Variants in ARSG observed in about 807,000 individuals in gnomAD.
ARSG encodes ASG.
Under a neutral mutation model 50.5 loss-of-function variants are expected in ARSG, and 37 were observed. That is an observed-to-expected ratio of 0.73 (90% CI 0.56 to 0.96). ARSG has a LOEUF of 0.96. Ranked by LOEUF, ARSG falls within the 50% of genes least tolerant of loss-of-function variation. ARSG has a pLI of 0.00. For synonymous variants in ARSG, 225 were observed against 254.6 expected (o/e 0.88, Z 1.11); for missense variants, 629 against 675.3 (o/e 0.93, Z 0.76).
intron 2 of ARSG, among the ~76,000 whole-genome samples, chr17:68,328,887 T>A (rs2145975555): frequency 6.6e-6 from 1 of 152,290 alleles, no homozygotes; most frequent in South Asian, 2.1e-4. Context: ...GGACCTGAGC[T>A]GCTGATGGTG....
At chr17:68,353,880 T>G (rs1478451094) in intron 5 of ARSG, among the ~76,000 whole-genome samples, 1 of 151,990 alleles carries the variant, frequency 6.6e-6, no homozygotes, top group African/African-American at 2.4e-5. Context: ...TTTTGTATTT[T>G]TAGTAGAGAT....
In ARSG at chr17:68,385,457, G is replaced by A. The variant is rs148043599; in HGVS notation, c.1091+285G>A. 3.5e-3 allele frequency among the ~76,000 whole-genome samples: 521 copies of A among 149,784 alleles called. 3 individuals are homozygous for A. Among genetic ancestry groups the A allele is most frequent in the African/African-American group, 0.012 (493 of 40,906 alleles). On this transcript the variant is annotated intron_variant, in intron 9 of 11. Transcript: ENST00000621439. ...GGCAGGAGGATTGCTGAGGTCAGGA[G>A]TTTGAGACTATCCTGGTCAACATAG...
intron 11 of ARSG, among the ~76,000 whole-genome samples, chr17:68,403,482 A>G (rs1479167368): frequency 1.3e-5 from 2 of 152,240 alleles, no homozygotes; most frequent in Non-Finnish European, 2.9e-5. Context: ...AAACAGGGGC[A>G]TGTTCTGATT....
At chr17:68,347,908 C>G (rs1273300325) in intron 4 of ARSG, among the ~76,000 whole-genome samples, 1 of 152,218 alleles carries the variant, frequency 6.6e-6, no homozygotes, top group Non-Finnish European at 1.5e-5. Context: ...CTCCCCTCCC[C>G]TGCCCCAGTA....
At chr17:68,418,939 G>A (rs1483398028) in intron 11 of ARSG, among the ~76,000 whole-genome samples, 1 of 149,528 alleles carries the variant, frequency 6.7e-6, no homozygotes, top group Non-Finnish European at 1.5e-5. Flanking sequence ...GCTATCTTTT[G>A]CTTTAATTCC....
chr17:68,325,208 G>A (rs545963061), intron 2 of ARSG, among the ~76,000 whole-genome samples: 12 of 152,098 alleles, frequency 7.9e-5, no homozygotes, highest in African/African-American at 7.2e-5. Flanking sequence ...GATCAACAGC[G>A]GCATTAGATT....
At chr17:68,373,874 C>A (rs2079996136) in intron 8 of ARSG, among the ~76,000 whole-genome samples, 1 of 151,716 alleles carries the variant, frequency 6.6e-6, no homozygotes, top group Non-Finnish European at 1.5e-5. Context: ...GAAACAGGAG[C>A]CAGCCAGGCG....
chr17:68,265,760 T>G (rs2075147779), intron 1 of ARSG, among the ~76,000 whole-genome samples: 1 of 152,088 alleles, frequency 6.6e-6, no homozygotes, highest in African/African-American at 2.4e-5. Flanking sequence ...GTTGTTTTTT[T>G]TTTTTTAACA....
intron 2 of ARSG, among the ~76,000 whole-genome samples, chr17:68,335,188 G>A (rs1225143913): frequency 6.6e-6 from 1 of 152,008 alleles, no homozygotes; most frequent in African/African-American, 2.4e-5. Context: ...GTAGAGACGG[G>A]AGTCTCCCTA....
At position 68,327,675 on chromosome 17, in the gene ARSG, A is replaced by G. The variant is rs76480142; in HGVS notation, c.219-15929A>G. Among the ~76,000 whole-genome samples, 608 of 152,232 alleles carry G rather than the reference A, an allele frequency of 4.0e-3. 21 individuals carry two copies. The East Asian group carries it at 0.056, about 14-fold the overall frequency. ...TACCTCTGCAATCACCCTTTTTCTAATTACATTCACATTCTAAGGTAGAGG... is the reference window on the plus strand; with the variant it reads ...TACCTCTGCAATCACCCTTTTTCTAGTTACATTCACATTCTAAGGTAGAGG... On this transcript the variant is annotated intron_variant, in intron 2 of 11. Transcript: ENST00000621439.
chr17:68,396,341 A>T (rs7211680), intron 10 of ARSG, among the ~76,000 whole-genome samples: 13,692 of 152,046 alleles, frequency 0.09, 1,499 homozygotes, highest in African/African-American at 0.26. Flanking sequence ...GACCAAGCAG[A>T]CCTTGGCAAT....
At chr17:68,295,152 C>T (rs1215706634) in intron 1 of ARSG, among the ~76,000 whole-genome samples, 2 of 152,210 alleles carry the variant, frequency 1.3e-5, no homozygotes, top group Middle Eastern at 3.4e-3. Flanking sequence ...AAGCCTTCAA[C>T]TGGCAGAGAG....
chr17:68,366,219 G>A (rs1451902264), intron 6 of ARSG, among the ~76,000 whole-genome samples: 3 of 150,370 alleles, frequency 2.0e-5, no homozygotes, highest in Non-Finnish European at 4.4e-5. Flanking sequence ...GATTACAGGT[G>A]TGAGCCACTA....
At position 68,368,737 on chromosome 17, in the gene ARSG, G is replaced by A; in HGVS notation, c.894G>A (p.Trp298Ter). The A allele has an allele frequency of 6.2e-7, 1 of 1,612,880 alleles. No individual in the cohort carries two copies. Among genetic ancestry groups the A allele is most frequent in the Non-Finnish European group, 8.5e-7 (1 of 1,179,668 alleles). The part of the protein sequence containing the change: ...DHTVKENTFL[W>*]FTGDNGPWAQ... ...CAGTGAAGGAAAACACATTCCTCTG[G>A]TTTACAGGTAAAGTAGTAAAAGCCA... The change falls in exon 7 of 12, where the codon TGG (tryptophan) becomes TGA (stop). Residue 298 changes from tryptophan to a stop codon, truncating the protein, a stop_gained. Transcript: ENST00000621439. LOFTEE classifies it high-confidence loss of function.
At chr17:68,283,373 T>C (rs1026791736) in intron 1 of ARSG, among the ~76,000 whole-genome samples, 1 of 151,548 alleles carries the variant, frequency 6.6e-6, no homozygotes. Flanking sequence ...ACAAAAAAAT[T>C]AGCCAGGCGT....
downstream of ARSG, chr17:68,427,124 T>G: frequency 6.2e-7 from 1 of 1,611,120 alleles, no homozygotes; most frequent in Non-Finnish European, 8.5e-7. Context: ...GTTGGCCCCG[T>G]GTCCACCCAC....
downstream of ARSG, among the ~76,000 whole-genome samples, chr17:68,424,965 G>A (rs1431020945): frequency 1.3e-5 from 2 of 152,210 alleles, no homozygotes; most frequent in African/African-American, 4.8e-5. Flanking sequence ...TCACAAGAGC[G>A]GTCTATATGT....
the ARSG span, among the ~76,000 whole-genome samples, chr17:68,444,885 C>T: frequency 6.6e-6 from 1 of 150,596 alleles, no homozygotes; most frequent in African/African-American, 2.4e-5. Context: ...CTTCCTTCTC[C>T]TTCTTTCCTT....
At chr17:68,430,162 T>A in the ARSG span, 1 of 1,611,286 alleles carries the variant, frequency 6.2e-7, no homozygotes, top group Non-Finnish European at 8.5e-7. Context: ...TCTGGTCGAC[T>A]AGGGAGTAAT....
Sources: gnomAD v4.1 joint callset for allele counts (sites outside exome capture counted in the v4.1 genomes callset) on GRCh38, gnomAD v4.1.1 for gene constraint, MANE v1.5 for transcripts, NCBI Gene and HGNC (gene_info 2026-07-23, HGNC 2026-07-21) for gene names.